MYO3B: variants seen among roughly 807,000 people sequenced by gnomAD.
MYO3B encodes myosin-IIIb.
MYO3B carries 156 observed loss-of-function variants against 174.6 expected under a neutral mutation model. The observed-to-expected ratio is 0.89, with a 90% CI of 0.78 to 1.02. MYO3B has a LOEUF of 1.02. MYO3B is among the 50% of genes least tolerant of loss of function. The pLI is 0.00. For missense variants in MYO3B, 1,632 were observed against 1,639.4 expected, an observed-to-expected ratio of 1.00 and a Z score of 0.08; for synonymous variants, 563 against 569.1, an observed-to-expected ratio of 0.99 and a Z score of 0.15.
intron 32 of MYO3B, among the ~76,000 whole-genome samples, chr2:170,619,204 A>AT (rs1468312143): frequency 6.6e-6 from 1 of 152,144 alleles, no homozygotes; most frequent in African/African-American, 2.4e-5. Flanking sequence ...CAAGGGTCGC[A>AT]TTCCATTCCT....
At chr2:170,539,213 TA>T (rs1255193235) in intron 30 of MYO3B, among the ~76,000 whole-genome samples, 1 of 152,236 alleles carries the variant, frequency 6.6e-6, no homozygotes, top group Non-Finnish European at 1.5e-5. Flanking sequence ...GATTATCTCA[TA>T]AAATAGCTCA....
chr2:170,629,163 A>G lies in MYO3B; in HGVS notation c.3734-22465A>G, dbSNP rs73013522. Among the ~76,000 whole-genome samples the G allele has an allele frequency of 8.0e-3, 1,225 of 152,374 alleles. 13 individuals carry two copies. The highest frequency in any genetic ancestry group is 0.027 in the African/African-American group (1,117 of 41,584). On this transcript the variant is annotated intron_variant, in intron 32 of 34. Coordinates refer to ENST00000408978, the MANE Select transcript of MYO3B (RefSeq NM_138995.5). ...CTCAGACAGGCTGGCCAGTATGGGC[A>G]TAAACTGTCAAAAGTTTAGGATTGG...
chr2:170,259,355 A>G (rs1048248818), intron 7 of MYO3B, among the ~76,000 whole-genome samples: 1 of 152,178 alleles, frequency 6.6e-6, no homozygotes, highest in Non-Finnish European at 1.5e-5. Context: ...GTACTGGTAT[A>G]AAAACAGTCA....
At chr2:170,465,126 G>T (rs566720442) in intron 24 of MYO3B, among the ~76,000 whole-genome samples, 266 of 152,082 alleles carry the variant, frequency 1.7e-3, no homozygotes, top group African/African-American at 6.3e-3. Context: ...ACCCACCTCG[G>T]CCTCCCAAAG....
At chr2:170,542,192 T>C (rs998859686) in intron 30 of MYO3B, among the ~76,000 whole-genome samples, 1 of 152,118 alleles carries the variant, frequency 6.6e-6, no homozygotes, top group Non-Finnish European at 1.5e-5. Flanking sequence ...TCCACTCTGC[T>C]GGTTCCATCT....
At chr2:170,583,731 A>G (rs1438477143) in intron 32 of MYO3B, among the ~76,000 whole-genome samples, 1 of 152,192 alleles carries the variant, frequency 6.6e-6, no homozygotes, top group African/African-American at 2.4e-5. Context: ...TAAAATATCT[A>G]GTATCTAAAA....
chr2:170,543,829 T>A (rs755125646), intron 31 of MYO3B, 63 bp from the exon 32 acceptor site: 8 of 1,352,768 alleles, frequency 5.9e-6, no homozygotes, highest in Non-Finnish European at 8.4e-6. Flanking sequence ...ATAGAAGCCA[T>A]GTCCTTAAGG....
chr2:170,563,087 C>T (rs1286869556), intron 32 of MYO3B, among the ~76,000 whole-genome samples: 5 of 147,540 alleles, frequency 3.4e-5, no homozygotes, highest in Non-Finnish European at 7.5e-5. Context: ...ACTACACACA[C>T]ATACACTCTT....
intron 7 of MYO3B, among the ~76,000 whole-genome samples, chr2:170,327,117 T>G (rs1018861176): frequency 2.0e-5 from 3 of 152,226 alleles, no homozygotes; most frequent in African/African-American, 7.2e-5. Context: ...CTGGGTGTGG[T>G]GGCTCACGCC....
chr2:170,472,078 C>A (rs969411251), intron 25 of MYO3B, among the ~76,000 whole-genome samples: 1 of 150,976 alleles, frequency 6.6e-6, no homozygotes, highest in Non-Finnish European at 1.5e-5. Context: ...TTCTCTATAT[C>A]TTTTCTGGGC....
intron 32 of MYO3B, among the ~76,000 whole-genome samples, chr2:170,622,547 C>T (rs1696015251): frequency 6.6e-6 from 1 of 151,628 alleles, no homozygotes; most frequent in Non-Finnish European, 1.5e-5. Flanking sequence ...TAAATATGCA[C>T]ATTCTTACAT....
chr2:170,451,566 G>A (rs1683595456), intron 23 of MYO3B, among the ~76,000 whole-genome samples: 1 of 152,194 alleles, frequency 6.6e-6, no homozygotes, highest in Non-Finnish European at 1.5e-5. Context: ...ATTTCCGAAA[G>A]ATTACTAAAG....
intron 32 of MYO3B, among the ~76,000 whole-genome samples, chr2:170,561,831 G>C (rs1329307123): frequency 1.3e-5 from 2 of 151,974 alleles, no homozygotes; most frequent in African/African-American, 4.8e-5. Context: ...TAAAGTCTTT[G>C]GGCTAGAAGA....
chr2:170,335,263 C>T, intron 7 of MYO3B, 122 bp from the exon 8 acceptor site: 2 of 749,076 alleles, frequency 2.7e-6, no homozygotes, highest in Non-Finnish European at 4.4e-6. Flanking sequence ...AAAAATGACT[C>T]TCATATGAGA....
chr2:170,230,365 T>TTTTTTTTTTTTGGA lies in MYO3B; in HGVS notation c.604-5626_604-5625insTTTTTTTTTTTGGA, dbSNP rs1559318980. Among the ~76,000 whole-genome samples the TTTTTTTTTTTTGGA allele has an allele frequency of 1.4e-5, 2 of 140,768 alleles. 1 individual carries two copies. Among genetic ancestry groups the TTTTTTTTTTTTGGA allele is most frequent in the African/African-American group, 5.8e-5 (2 of 34,522 alleles). 92.3% of individuals were successfully genotyped at this position (140,768 alleles called of 152,430 possible). ...TTTTTTTTTTTTTTTTTTTTTTTAGTAGAGACGGGGTTTCACCATGTTGGT... is the reference window on the plus strand; with the variant it reads ...TTTTTTTTTTTTTTTTTTTTTTTAGTTTTTTTTTTTTGGAAGAGACGGGGTTTCACCATGTTGGT... On this transcript the variant is annotated intron_variant, in intron 6 of 34. Coordinates refer to ENST00000408978, the MANE Select transcript of MYO3B (RefSeq NM_138995.5).
intron 25 of MYO3B, among the ~76,000 whole-genome samples, chr2:170,492,487 A>C (rs1158630195): frequency 1.3e-5 from 2 of 152,228 alleles, no homozygotes; most frequent in Non-Finnish European, 2.9e-5. Flanking sequence ...GTTGTGTTGA[A>C]AGAGGTCAGA....
At chr2:170,452,091 A>G (rs1683626076) in intron 23 of MYO3B, among the ~76,000 whole-genome samples, 1 of 152,154 alleles carries the variant, frequency 6.6e-6, no homozygotes, top group Non-Finnish European at 1.5e-5. Context: ...CAAGCATGCA[A>G]AGAGCCAAGT....
chr2:170,318,807 G>C (rs2093794332), intron 7 of MYO3B, among the ~76,000 whole-genome samples: 1 of 143,778 alleles, frequency 7.0e-6, no homozygotes, highest in South Asian at 2.3e-4. Flanking sequence ...AGACCTTCTG[G>C]AGATGAGGCC....
chr2:170,265,809 T>C (rs2093378935), intron 7 of MYO3B, among the ~76,000 whole-genome samples: 1 of 152,140 alleles, frequency 6.6e-6, no homozygotes, highest in African/African-American at 2.4e-5. Flanking sequence ...TTCTAAAAAG[T>C]ATTTAAAACC....
Sources: gnomAD v4.1 joint callset for allele counts (sites outside exome capture counted in the v4.1 genomes callset) on GRCh38, gnomAD v4.1.1 for gene constraint, MANE v1.5 for transcripts, NCBI Gene and HGNC (gene_info 2026-07-23, HGNC 2026-07-21) for gene names.